DNAH11: variants seen among roughly 807,000 people sequenced by gnomAD.
DNAH11 encodes axonemal beta dynein heavy chain 11.
In DNAH11, 442 loss-of-function variants were observed where a neutral mutation model predicts 526.0. The observed-to-expected ratio is 0.84, with a 90% CI of 0.78 to 0.91. The LOEUF (loss-of-function observed/expected upper bound fraction) is 0.91. Ranked by LOEUF, DNAH11 falls within the 40% of genes least tolerant of loss-of-function variation. The pLI, the probability that DNAH11 is intolerant of heterozygous loss-of-function variation, is 0.00. For synonymous variants in DNAH11, 2,461 were observed against 1,935.9 expected (o/e 1.27, Z -7.12); for missense variants, 6,989 against 5,448.7 (o/e 1.28, Z -8.90).
intron 8 of DNAH11, among the ~76,000 whole-genome samples, chr7:21,577,665 C>G (rs1008478179): frequency 1.3e-5 from 2 of 152,064 alleles, no homozygotes; most frequent in East Asian, 3.9e-4. Context: ...GAGTAAATGC[C>G]GAGTGGAGAA....
chr7:21,863,162 C>G (rs1783136566), intron 69 of DNAH11, among the ~76,000 whole-genome samples: 2 of 151,828 alleles, frequency 1.3e-5, no homozygotes, highest in Non-Finnish European at 2.9e-5. Context: ...GCAGATTGTC[C>G]TTTTATCAGC....
intron 57 of DNAH11, among the ~76,000 whole-genome samples, chr7:21,780,889 G>C (rs1440987832): frequency 6.6e-6 from 1 of 152,202 alleles, no homozygotes. Flanking sequence ...TTACATTGCA[G>C]TGGAAAAGAC....
intron 30 of DNAH11, among the ~76,000 whole-genome samples, chr7:21,666,282 C>A (rs1044180334): frequency 2.6e-5 from 4 of 151,920 alleles, no homozygotes; most frequent in Admixed American, 6.6e-5. Context: ...AAAAAAGTGG[C>A]AAGTATGATA....
chr7:21,565,880 G>A (rs1034355913), intron 6 of DNAH11, among the ~76,000 whole-genome samples: 2 of 152,246 alleles, frequency 1.3e-5, no homozygotes, highest in South Asian at 2.1e-4. Context: ...ACAACAGGTC[G>A]ATTCCTTGCT....
At chr7:21,666,958 A>G (rs900743023) in intron 30 of DNAH11, among the ~76,000 whole-genome samples, 4 of 152,150 alleles carry the variant, frequency 2.6e-5, no homozygotes, top group South Asian at 2.1e-4. Flanking sequence ...GAGGAATGCT[A>G]GGAACACATG....
At chr7:21,603,878 T>C (rs1168492644) in intron 18 of DNAH11, among the ~76,000 whole-genome samples, 4 of 152,208 alleles carry the variant, frequency 2.6e-5, no homozygotes, top group Non-Finnish European at 5.9e-5. Flanking sequence ...ATTTGTATTA[T>C]ATAAGTTTGG....
intron 48 of DNAH11, 100 bp downstream of exon 48, chr7:21,739,773 C>T (rs777131406): frequency 2.9e-5 from 25 of 851,538 alleles, no homozygotes; most frequent in Non-Finnish European, 4.6e-5. Flanking sequence ...AAGCACGTTT[C>T]TCATGGCAGC....
intron 24 of DNAH11, 57 bp from the exon 25 acceptor site, chr7:21,619,899 C>T: frequency 1.4e-6 from 2 of 1,476,568 alleles, no homozygotes; most frequent in South Asian, 1.3e-5. Context: ...AGATAATAGT[C>T]TACATATTGA....
intron 61 of DNAH11, among the ~76,000 whole-genome samples, chr7:21,796,271 C>A (rs971176625): frequency 1.7e-4 from 26 of 152,152 alleles, no homozygotes; most frequent in African/African-American, 6.3e-4. Context: ...AATAAACTAG[C>A]CCCAGTAGGG....
At chr7:21,546,646 T>C (rs1007588847) in intron 2 of DNAH11, among the ~76,000 whole-genome samples, 1 of 152,220 alleles carries the variant, frequency 6.6e-6, no homozygotes, top group Non-Finnish European at 1.5e-5. Context: ...TACCAGAGTG[T>C]ATTATATATT....
chr7:21,658,324 G>T (rs1227457915), intron 29 of DNAH11, among the ~76,000 whole-genome samples: 1 of 152,040 alleles, frequency 6.6e-6, no homozygotes, highest in Non-Finnish European at 1.5e-5. Context: ...GAAGATTTTA[G>T]AGAAGAATTT....
In DNAH11 at chr7:21,821,980, C is replaced by G. The variant is rs566844610; in HGVS notation, c.10691+3641C>G. Among the ~76,000 whole-genome samples the G allele has an allele frequency of 1.9e-4, 29 of 151,924 alleles. No individual in the cohort carries two copies. In the East Asian group the frequency reaches 5.6e-3, roughly 29 times the overall value. On this transcript the variant is annotated intron_variant, in intron 65 of 81. Coordinates refer to ENST00000409508, the MANE Select transcript of DNAH11 (RefSeq NM_001277115.2). ...GCCATATTTTTCTTTCTGTGCCTGA[C>G]TTATTTCATTTAACATAATACCCTC... is the stretch of plus-strand genomic sequence containing the variant.
At position 21,588,621 on chromosome 7, in the gene DNAH11, C is replaced by T. The variant is rs544812491; in HGVS notation, c.1958C>T (p.Ala653Val). 1 of 1,613,334 alleles carries T rather than the reference C, an allele frequency of 6.2e-7. No homozygotes were observed. The highest frequency in any genetic ancestry group is 1.1e-5 in the South Asian group (1 of 91,058). ...CTTCAAATGTTTTGGTCAAACTTCG[C>T]ATCTCTCCGTTATCTGTAAGTAGTT... ...QRLQMFWSNF[A>V]SLRYLFLGNP... Residue 653 changes from alanine (A) to valine (V), a missense_variant, in exon 11 of 82, where the codon GCA (alanine) becomes GTA (valine). Physicochemically the swap from Ala to Val is moderately conservative, Grantham distance 64 (BLOSUM62 0). Transcript: ENST00000409508.
At position 21,659,018 on chromosome 7, in the gene DNAH11, T is replaced by G. The variant is rs1408813556; in HGVS notation, c.5315T>G (p.Phe1772Cys). ...GGCTACGAAACAGCCCTGAAGGATT[T>G]CCATAAAAAACAGGTATTACATAGA... ...EEGYETALKDFHKKQISQLNT... is the reference protein window; with the variant it reads ...EEGYETALKDCHKKQISQLNT... Residue 1772 changes from phenylalanine to cysteine, a missense_variant, in exon 30 of 82, where the codon TTC becomes TGC. By Grantham distance (205) the Phe-to-Cys change is radical. Transcript: ENST00000409508. 1 of 1,594,008 alleles carries G rather than the reference T, an allele frequency of 6.3e-7. No individual in the cohort carries two copies. Among genetic ancestry groups the G allele is most frequent in the Admixed American group, 1.8e-5 (1 of 56,634 alleles).
At chr7:21,885,202 GAC>G (rs1415047484) in intron 76 of DNAH11, among the ~76,000 whole-genome samples, 1 of 96,162 alleles carries the variant, frequency 1.0e-5, no homozygotes, top group Non-Finnish European at 2.3e-5. Context: ...ACACATTTAT[GAC>G]ACAATGGGAA....
intron 2 of DNAH11, among the ~76,000 whole-genome samples, chr7:21,556,818 T>C (rs1783239254): frequency 6.6e-6 from 1 of 152,092 alleles, no homozygotes; most frequent in Non-Finnish European, 1.5e-5. Context: ...TCCTACCACT[T>C]TGGGAGGCCA....
chr7:21,780,325 G>C (rs1433097568), intron 57 of DNAH11, among the ~76,000 whole-genome samples: 1 of 152,056 alleles, frequency 6.6e-6, no homozygotes, highest in Non-Finnish European at 1.5e-5. Flanking sequence ...CAGGAGGATA[G>C]CTTCAGCCCA....
intron 61 of DNAH11, among the ~76,000 whole-genome samples, chr7:21,789,958 A>G (rs1320199790): frequency 1.6e-5 from 2 of 125,494 alleles, no homozygotes; most frequent in Admixed American, 1.9e-4. Flanking sequence ...GTGGATGTGC[A>G]GGCTTGTTAC....
intron 30 of DNAH11, among the ~76,000 whole-genome samples, chr7:21,676,811 A>G (rs1782910714): frequency 6.6e-6 from 1 of 152,250 alleles, no homozygotes; most frequent in African/African-American, 2.4e-5. Flanking sequence ...TGGATACTGC[A>G]AAGACCGGAT....
Sources: gnomAD v4.1 joint callset for allele counts (sites outside exome capture counted in the v4.1 genomes callset) on GRCh38, gnomAD v4.1.1 for gene constraint, MANE v1.5 for transcripts, NCBI Gene and HGNC (gene_info 2026-07-23, HGNC 2026-07-21) for gene names.